The following TBC1D8B variants were observed in gnomAD, a reference collection of about 807,000 sequenced individuals.
The protein encoded by TBC1D8B is RP11-321G1.1.
A neutral mutation model predicts 82.9 loss-of-function variants in TBC1D8B; 75 were observed. The ratio of observed to expected loss-of-function variants is 0.90; its 90% CI spans 0.75 to 1.10. The LOEUF (loss-of-function observed/expected upper bound fraction) is 1.10. Ranked by LOEUF, TBC1D8B falls within the 50% of genes least tolerant of loss-of-function variation. The probability of loss-of-function intolerance (pLI) is 0.00; values close to 1 mark genes in which losing one functional copy is unlikely to be tolerated. For missense variants in TBC1D8B, 794 were observed against 796.9 expected (o/e 1.00, Z 0.04); for synonymous variants, 276 against 276.8 (o/e 1.00, Z 0.03).
rs1932879652 is a variant in TBC1D8B at position 106,875,249 on chromosome X, G to A, written c.*1284G>A. The A allele has an allele frequency of 2.7e-5, 3 of 111,850 alleles. No homozygotes were observed. The highest frequency in any genetic ancestry group is 9.6e-5 in the Admixed American group (1 of 10,464). 9.2% of individuals were successfully genotyped at this position (111,850 alleles called of 1,213,427 possible). On this transcript the variant is annotated 3_prime_UTR_variant, in exon 21 of 21. Transcript: ENST00000357242. ...TCTTTAGAAAAGACTTTGGTTATAA[G>A]CCTTTTGACTTTTCTAGATGTGAAA...
In TBC1D8B at chrX:106,873,660, A is replaced by T. The variant is rs1932865534; in HGVS notation, c.3058A>T (p.Thr1020Ser). The change falls in exon 21 of 21, where the codon ACC becomes TCC. Residue 1020 changes from threonine to serine, a missense_variant. Transcript: ENST00000357242. ...ATTATATCAAGCCATTGCTGTTGTA[A>T]CCAGCCTTTTACTCAGGATGGAAGA... is the stretch of plus-strand genomic sequence containing the variant. ...ESLYQAIAVV[T>S]SLLLRMEEVG... 2.5e-6 allele frequency: 3 copies of T among 1,211,520 alleles called. No individual in the cohort carries two copies. The highest frequency in any genetic ancestry group is 2.2e-5 in the Admixed American group (1 of 46,043).
intron 1 of TBC1D8B, among the ~76,000 whole-genome samples, chrX:106,816,246 A>G (rs906295691): frequency 2.7e-5 from 3 of 111,580 alleles, no homozygotes; most frequent in Non-Finnish European, 1.9e-5. Context: ...CAAAAATCAC[A>G]AGCATTCTTA....
intron 14 of TBC1D8B, among the ~76,000 whole-genome samples, chrX:106,862,402 T>C (rs754582972): frequency 7.1e-5 from 8 of 112,061 alleles, no homozygotes; most frequent in African/African-American, 2.3e-4. Context: ...ATGCTTGTGA[T>C]AGTATTATGA....
Position 106,865,844 on chromosome X carries a change from C to T in TBC1D8B, c.2473C>T (p.His825Tyr), listed in dbSNP as rs780855829. 1.7e-6 allele frequency: 2 copies of T among 1,207,396 alleles called. No homozygotes were observed. Among genetic ancestry groups the T allele is most frequent in the South Asian group, 3.5e-5 (2 of 56,600 alleles). The change falls in exon 16 of 21, where the codon CAT becomes TAT. Residue 825 changes from histidine (H) to tyrosine (Y), a missense_variant. Transcript: ENST00000357242. ...YWCLGCPVLK[H>Y]HDPSLPYLEQ... ...GTGTTTGGGTTGCCCAGTATTGAAG[C>T]ATCATGACCCCAGTCTGCCATATTT... is the stretch of plus-strand genomic sequence containing the variant.
In TBC1D8B at chrX:106,873,600, T is replaced by C. The variant is rs1470951146; in HGVS notation, c.2998T>C (p.Tyr1000His). ...GTTTATTCAGTTTTCAAAGACCCTCTATAACTTATTTCATGAGGACCCTGA... is the reference window on the plus strand; with the variant it reads ...GTTTATTCAGTTTTCAAAGACCCTCCATAACTTATTTCATGAGGACCCTGA... ...SQFIQFSKTL[Y>H]NLFHEDPEEE... The change falls in exon 21 of 21, where the codon TAT becomes CAT. Residue 1000 changes from tyrosine to histidine, a missense_variant. By Grantham distance (83) the Tyr-to-His change is moderately conservative. Transcript: ENST00000357242. 1 of 1,204,854 alleles carries C rather than the reference T, an allele frequency of 8.3e-7. No homozygotes were observed. Among genetic ancestry groups the C allele is most frequent in the East Asian group, 3.0e-5 (1 of 33,778 alleles).
Position 106,873,661 on chromosome X carries a change from C to T in TBC1D8B, c.3059C>T (p.Thr1020Ile), listed in dbSNP as rs751970856. The change falls in exon 21 of 21, where the codon ACC (threonine) becomes ATC (isoleucine). Residue 1020 changes from threonine (T) to isoleucine (I), a missense_variant. Coordinates refer to ENST00000357242, the MANE Select transcript of TBC1D8B (RefSeq NM_017752.3). ...ESLYQAIAVV[T>I]SLLLRMEEVG... is the part of the protein sequence containing the mutation. ...TTATATCAAGCCATTGCTGTTGTAA[C>T]CAGCCTTTTACTCAGGATGGAAGAA... The T allele has an allele frequency of 1.7e-6, 2 of 1,211,490 alleles. No individual in the cohort carries two copies. Among genetic ancestry groups the T allele is most frequent in the Non-Finnish European group, 2.2e-6 (2 of 895,297 alleles).
chrX:106,868,831 A>G (rs1932830053), intron 18 of TBC1D8B, among the ~76,000 whole-genome samples: 1 of 112,372 alleles, frequency 8.9e-6, no homozygotes, highest in Non-Finnish European at 1.9e-5. Context: ...AATACTTATT[A>G]TAAATCACTG....
intron 20 of TBC1D8B, among the ~76,000 whole-genome samples, chrX:106,873,069 A>T (rs1456760481): frequency 8.9e-6 from 1 of 112,165 alleles, no homozygotes; most frequent in Non-Finnish European, 1.9e-5. Flanking sequence ...AAGTGAGAGC[A>T]CTTAAATGAA....
At chrX:106,854,545 G>A (rs1459265251) in intron 14 of TBC1D8B, among the ~76,000 whole-genome samples, 3 of 110,757 alleles carry the variant, frequency 2.7e-5, no homozygotes, top group African/African-American at 9.9e-5. Context: ...ACAGGGTCTC[G>A]TTCTGTTGCC....
intron 10 of TBC1D8B, among the ~76,000 whole-genome samples, chrX:106,843,742 A>G (rs1008576556): frequency 9.0e-6 from 1 of 111,153 alleles, no homozygotes. Context: ...AAGAAAAAAA[A>G]AAGGCAGCTG....
intron 1 of TBC1D8B, chrX:106,815,166 T>C (rs1931503777): frequency 8.9e-6 from 1 of 112,299 alleles, no homozygotes; most frequent in Non-Finnish European, 1.9e-5. Context: ...CTTCTAGGGT[T>C]TTTATGGTTT....
chrX:106,852,132 T>C (rs1250929498), intron 12 of TBC1D8B, among the ~76,000 whole-genome samples: 5 of 104,937 alleles, frequency 4.8e-5, no homozygotes, highest in East Asian at 3.0e-4. Flanking sequence ...TGGTATCTCA[T>C]TGTGGTTTTG....
intron 1 of TBC1D8B, among the ~76,000 whole-genome samples, chrX:106,817,586 C>G (rs761814639): frequency 2.7e-5 from 3 of 111,250 alleles, no homozygotes; most frequent in Non-Finnish European, 5.7e-5. Context: ...ATGTTCAGAC[C>G]TGGGTCCCAT....
intron 14 of TBC1D8B, among the ~76,000 whole-genome samples, chrX:106,860,813 T>C (rs1347044334): frequency 9.0e-6 from 1 of 111,691 alleles, no homozygotes; most frequent in African/African-American, 3.3e-5. Context: ...CTAGGTGTGA[T>C]GTTAGGTTGT....
At chrX:106,851,631 C>T (rs1202171526) in intron 12 of TBC1D8B, among the ~76,000 whole-genome samples, 1 of 109,144 alleles carries the variant, frequency 9.2e-6, no homozygotes, top group Non-Finnish European at 1.9e-5. Flanking sequence ...GTTCTCATTG[C>T]TCAATTCCCA....
chrX:106,866,131 A>T (rs1291124510), intron 16 of TBC1D8B, 98 bp downstream of exon 16: 1 of 877,253 alleles, frequency 1.1e-6, no homozygotes, highest in Non-Finnish European at 1.6e-6. Flanking sequence ...ACCATGGGTT[A>T]CAGTGTGTTT....
chrX:106,823,150 G>A, intron 4 of TBC1D8B, 76 bp from the exon 5 acceptor site: 4 of 1,034,687 alleles, frequency 3.9e-6, no homozygotes, highest in Non-Finnish European at 5.2e-6. Context: ...ATTAACTATT[G>A]TTTCAGAAGA....
At position 106,865,996 on chromosome X, in the gene TBC1D8B, T is replaced by C. The variant is rs372610302; in HGVS notation, c.2625T>C (p.Asp875=). The change falls in exon 16 of 21, where the codon GAT becomes GAC. Residue 875 remains aspartate (D), a synonymous_variant. Transcript: ENST00000357242. ...TCAGATTGTTAGATGAAAACTCTGATTGCCTTATAAACTTCAAAGAATTCT... is the reference window on the plus strand; with the variant it reads ...TCAGATTGTTAGATGAAAACTCTGACTGCCTTATAAACTTCAAAGAATTCT... ...WTFRLLDENS[D]CLINFKEFSS... 3 of 1,206,259 alleles carry C rather than the reference T, an allele frequency of 2.5e-6. No individual in the cohort carries two copies. Among genetic ancestry groups the C allele is most frequent in the Admixed American group, 2.2e-5 (1 of 45,225 alleles).
Position 106,871,269 on chromosome X carries a change from C to CT in TBC1D8B, c.2967+461dup, listed in dbSNP as rs202141705. 5.8e-3 allele frequency among the ~76,000 whole-genome samples: 645 copies of CT among 110,660 alleles called. 6 individuals are homozygous for CT. The highest frequency in any genetic ancestry group is 0.02 in the African/African-American group (603 of 30,509). Reference sequence around the variant, plus strand: ...CACTGCCTAATCAAAATATGTTCTTCTTTTTGTAATTAAAATCTGGTTAGT... The same window carrying CT: ...CACTGCCTAATCAAAATATGTTCTTCTTTTTTGTAATTAAAATCTGGTTAGT... On this transcript the variant is annotated intron_variant, in intron 20 of 20. Transcript: ENST00000357242.
Sources: gnomAD v4.1 joint callset for allele counts (sites outside exome capture counted in the v4.1 genomes callset) on GRCh38, gnomAD v4.1.1 for gene constraint, MANE v1.5 for transcripts, NCBI Gene and HGNC (gene_info 2026-07-23, HGNC 2026-07-21) for gene names.